The following ZNF385B variants were observed in gnomAD, a reference collection of about 807,000 sequenced individuals.
ZNF385B encodes the protein zinc finger protein 385B.
Under a neutral mutation model 39.2 loss-of-function variants are expected in ZNF385B, and 23 were observed. The ratio of observed to expected loss-of-function variants is 0.59; its 90% CI spans 0.42 to 0.83. The LOEUF (loss-of-function observed/expected upper bound fraction) is 0.83. Among genes scored for constraint, ZNF385B ranks in the 40% least tolerant of loss-of-function variants. ZNF385B has a pLI of 0.00. For missense variants in ZNF385B, 552 were observed against 598.9 expected, an observed-to-expected ratio of 0.92 and a Z score of 0.82; for synonymous variants, 205 against 222.6, an observed-to-expected ratio of 0.92 and a Z score of 0.70.
intron 3 of ZNF385B, among the ~76,000 whole-genome samples, chr2:179,650,709 G>A (rs935423649): frequency 6.6e-6 from 1 of 152,142 alleles, no homozygotes; most frequent in Non-Finnish European, 1.5e-5. Context: ...GCCTTTATCA[G>A]AAGTAGAAGA....
intron 3 of ZNF385B, among the ~76,000 whole-genome samples, chr2:179,657,695 G>A (rs1693952673): frequency 6.6e-6 from 1 of 152,182 alleles, no homozygotes; most frequent in Non-Finnish European, 1.5e-5. Context: ...AATAGAAACA[G>A]TTGATAAATT....
At chr2:179,595,661 T>G (rs1312003703) in intron 3 of ZNF385B, among the ~76,000 whole-genome samples, 5 of 148,548 alleles carry the variant, frequency 3.4e-5, no homozygotes, top group African/African-American at 1.2e-4. Context: ...GGTCTCACTC[T>G]GTTGCCCAGG....
At chr2:179,780,240 A>G (rs1019980126) in intron 1 of ZNF385B, among the ~76,000 whole-genome samples, 2 of 152,322 alleles carry the variant, frequency 1.3e-5, no homozygotes, top group East Asian at 1.9e-4. Flanking sequence ...AATGAACAGC[A>G]GTACTTCCAG....
rs536347935 is a variant in ZNF385B, at chr2:179,790,183, T to C, written c.-154-19511A>G. 8.5e-5 allele frequency among the ~76,000 whole-genome samples: 13 copies of C among 152,314 alleles called. No individual in the cohort carries two copies. In the South Asian group the frequency reaches 2.7e-3, roughly 32 times the overall value. The stretch of plus-strand genomic sequence containing the variant: ...TCAGTTCCTTCCATTCTTACACTAA[T>C]GAAACAAAATTGAAAAGAGGAAATA... On this transcript the variant is annotated intron_variant, in intron 1 of 9. Coordinates refer to ENST00000410066, the MANE Select transcript of ZNF385B (RefSeq NM_152520.6).
At chr2:179,787,643 G>A (rs891102768) in intron 1 of ZNF385B, among the ~76,000 whole-genome samples, 3 of 152,150 alleles carry the variant, frequency 2.0e-5, no homozygotes, top group Admixed American at 6.6e-5. Context: ...TCTTCTTAAA[G>A]ACTGTCCTCC....
chr2:179,657,737 A>G lies in ZNF385B; in HGVS notation c.298+111766T>C, dbSNP rs1693958622. Among the ~76,000 whole-genome samples the G allele has an allele frequency of 2.0e-5, 3 of 152,354 alleles. No homozygotes were observed. In the South Asian group the frequency reaches 6.2e-4, roughly 32 times the overall value. ...ACAGTTGATAAAATAATTTAGTAAG[A>G]CAACAATAATTGTCTACCATTTATT... On this transcript the variant is annotated intron_variant, in intron 3 of 9. Transcript: ENST00000410066.
intron 3 of ZNF385B, among the ~76,000 whole-genome samples, chr2:179,683,264 C>T (rs1697665938): frequency 6.6e-6 from 1 of 151,850 alleles, no homozygotes; most frequent in Non-Finnish European, 1.5e-5. Flanking sequence ...GTAGCTGGCA[C>T]CTGTAATCGC....
chr2:179,720,726 A>T (rs533514101), intron 3 of ZNF385B, among the ~76,000 whole-genome samples: 2 of 152,252 alleles, frequency 1.3e-5, no homozygotes, highest in Non-Finnish European at 2.9e-5. Context: ...TATGCTCTTT[A>T]TAAGAAATAT....
chr2:179,855,582 T>C (rs1282075680), intron 1 of ZNF385B, among the ~76,000 whole-genome samples: 1 of 152,198 alleles, frequency 6.6e-6, no homozygotes, highest in African/African-American at 2.4e-5. Context: ...TGTATCAGTA[T>C]ATATACTTTC....
intron 1 of ZNF385B, among the ~76,000 whole-genome samples, chr2:179,798,983 T>C (rs1033172878): frequency 2.0e-5 from 3 of 152,088 alleles, no homozygotes; most frequent in Non-Finnish European, 2.9e-5. Context: ...TTATCCATTC[T>C]ATTTTAGTGA....
chr2:179,811,936 C>T (rs1213782467), intron 1 of ZNF385B, among the ~76,000 whole-genome samples: 3 of 151,920 alleles, frequency 2.0e-5, no homozygotes, highest in Non-Finnish European at 4.4e-5. Flanking sequence ...CTATAGGGAA[C>T]TTAATTGAAC....
chr2:179,744,867 A>C (rs1013488197), intron 3 of ZNF385B, among the ~76,000 whole-genome samples: 2 of 151,996 alleles, frequency 1.3e-5, no homozygotes, highest in African/African-American at 2.4e-5. Flanking sequence ...CCAGAATTAG[A>C]GTTTAGCCAA....
At chr2:179,500,912 C>T (rs979590709) in intron 5 of ZNF385B, among the ~76,000 whole-genome samples, 5 of 151,920 alleles carry the variant, frequency 3.3e-5, no homozygotes, top group Non-Finnish European at 7.4e-5. Flanking sequence ...TCAAATAACC[C>T]AATCAAAAAA....
intron 3 of ZNF385B, among the ~76,000 whole-genome samples, chr2:179,749,744 C>A (rs1401497571): frequency 6.6e-6 from 1 of 152,038 alleles, no homozygotes; most frequent in South Asian, 2.1e-4. Context: ...TTTAAATATG[C>A]CTTTGATGAT....
At chr2:179,860,578 T>G (rs2105463693) in intron 1 of ZNF385B, among the ~76,000 whole-genome samples, 1 of 152,256 alleles carries the variant, frequency 6.6e-6, no homozygotes, top group East Asian at 1.9e-4. Context: ...GGACCTTCTC[T>G]CTGCTCCTCT....
At chr2:179,483,608 GCATAT>G (rs1008874064) in intron 5 of ZNF385B, among the ~76,000 whole-genome samples, 174 bp from the exon 6 acceptor site, 5 of 152,094 alleles carry the variant, frequency 3.3e-5, no homozygotes, top group Non-Finnish European at 7.4e-5. Flanking sequence ...AGAGGGTGTA[GCATAT>G]CAAAACCTCC....
At chr2:179,724,484 C>T (rs1054248408) in intron 3 of ZNF385B, among the ~76,000 whole-genome samples, 2 of 151,986 alleles carry the variant, frequency 1.3e-5, no homozygotes, top group African/African-American at 4.8e-5. Context: ...CAAAGACATG[C>T]CAATCAAGGT....
intron 4 of ZNF385B, among the ~76,000 whole-genome samples, chr2:179,526,472 G>A (rs1377470505): frequency 6.6e-6 from 1 of 151,834 alleles, no homozygotes. Context: ...GCACATGCCT[G>A]CAATCCCAGC....
intron 3 of ZNF385B, among the ~76,000 whole-genome samples, chr2:179,699,815 T>G (rs1010044651): frequency 9.9e-5 from 15 of 152,186 alleles, no homozygotes; most frequent in Admixed American, 4.6e-4. Flanking sequence ...ATACCAGAAA[T>G]GGTGTATGAA....
Sources: gnomAD v4.1 joint callset for allele counts (sites outside exome capture counted in the v4.1 genomes callset) on GRCh38, gnomAD v4.1.1 for gene constraint, MANE v1.5 for transcripts, NCBI Gene and HGNC (gene_info 2026-07-23, HGNC 2026-07-21) for gene names.